The following SIPA1L1 variants were observed in gnomAD, a reference collection of about 807,000 sequenced individuals.
The protein encoded by SIPA1L1 is signal induced proliferation associated 1 like 1.
Under a neutral mutation model 162.7 loss-of-function variants are expected in SIPA1L1, and 26 were observed. The observed-to-expected ratio is 0.16, with a 90% CI of 0.12 to 0.22. SIPA1L1 has a LOEUF of 0.22. SIPA1L1 is among the 10% of genes least tolerant of loss of function. SIPA1L1 has a pLI of 1.00. For missense variants in SIPA1L1, 1,874 were observed against 2,241.0 expected (o/e 0.84, Z 3.31); for synonymous variants, 829 against 837.4 (o/e 0.99, Z 0.17).
At chr14:71,476,914 G>A (rs1047694587) in intron 2 of SIPA1L1, among the ~76,000 whole-genome samples, 2 of 151,798 alleles carry the variant, frequency 1.3e-5, no homozygotes, top group Non-Finnish European at 2.9e-5. Context: ...ATCTAAACAC[G>A]TATAGACTTG....
chr14:71,453,964 C>G (rs2045998254), intron 2 of SIPA1L1, among the ~76,000 whole-genome samples: 1 of 147,948 alleles, frequency 6.8e-6, no homozygotes, highest in Admixed American at 6.8e-5. Context: ...ACTGCACTCC[C>G]CTCCAGCCTG....
At chr14:71,624,013 C>A in intron 6 of SIPA1L1, 35 bp from the exon 7 acceptor site, 1 of 1,547,144 alleles carries the variant, frequency 6.5e-7, no homozygotes, top group Non-Finnish European at 8.8e-7. Flanking sequence ...TCTCACATCC[C>A]AGAAGCCTCA....
At chr14:71,432,312 A>G (rs535469657) in intron 2 of SIPA1L1, among the ~76,000 whole-genome samples, 68 of 152,114 alleles carry the variant, frequency 4.5e-4, no homozygotes, top group African/African-American at 1.6e-3. Flanking sequence ...GGCTCAAGCA[A>G]TCCTCCTGCC....
At chr14:71,683,199 G>T (rs919362258) in intron 12 of SIPA1L1, among the ~76,000 whole-genome samples, 2 of 152,168 alleles carry the variant, frequency 1.3e-5, no homozygotes, top group Admixed American at 1.3e-4. Flanking sequence ...TAGAAGCTTA[G>T]CTAGGGAATT....
chr14:71,437,245 G>A (rs901301850), intron 2 of SIPA1L1, among the ~76,000 whole-genome samples: 1 of 152,100 alleles, frequency 6.6e-6, no homozygotes, highest in Non-Finnish European at 1.5e-5. Context: ...TGGTAGGGGC[G>A]GCTCATGCCT....
At chr14:71,504,917 T>G (rs952470536) in intron 2 of SIPA1L1, among the ~76,000 whole-genome samples, 7 of 152,196 alleles carry the variant, frequency 4.6e-5, no homozygotes, top group African/African-American at 1.7e-4. Flanking sequence ...TAAGAAGATA[T>G]GAAAATTTTT....
intron 7 of SIPA1L1, among the ~76,000 whole-genome samples, chr14:71,632,174 A>G (rs2040640006): frequency 6.6e-6 from 1 of 152,212 alleles, no homozygotes; most frequent in African/African-American, 2.4e-5. Flanking sequence ...CATATATAAA[A>G]CAAACATAAA....
intron 2 of SIPA1L1, among the ~76,000 whole-genome samples, chr14:71,423,711 T>C (rs1027199595): frequency 1.3e-5 from 2 of 152,182 alleles, no homozygotes; most frequent in Non-Finnish European, 2.9e-5. Flanking sequence ...TTGATTACCA[T>C]AGCGTTGTAG....
chr14:71,671,619 A>T lies in SIPA1L1; in HGVS notation c.2756A>T (p.Glu919Val). 6.2e-7 allele frequency: 1 copy of T among 1,614,178 alleles called. No homozygotes were observed. The highest frequency in any genetic ancestry group is 8.5e-7 in the Non-Finnish European group (1 of 1,180,012). Reference sequence around the variant, plus strand: ...GACACCAGCCTCAAAATCTTCTATGAACGAGGAGAATGTGTTTCAGTGGGT... The same window carrying T: ...GACACCAGCCTCAAAATCTTCTATGTACGAGGAGAATGTGTTTCAGTGGGT... Reference protein sequence around the residue: ...STDTSLKIFYERGECVSVGSF... With the variant: ...STDTSLKIFYVRGECVSVGSF... The change falls in exon 11 of 24, where the codon GAA becomes GTA. Residue 919 changes from glutamate to valine, a missense_variant. By Grantham distance (121) the Glu-to-Val change is moderately radical. Around this residue, in one of 5 missense-constraint regions of SIPA1L1, gnomAD observed 243 missense variants for 315.0 expected, o/e 0.77. Transcript: ENST00000381232.
At chr14:71,714,352 A>C (rs1014461964) in intron 17 of SIPA1L1, among the ~76,000 whole-genome samples, 1 of 152,212 alleles carries the variant, frequency 6.6e-6, no homozygotes, top group African/African-American at 2.4e-5. Flanking sequence ...TCTCACCAAC[A>C]AAACATTTTT....
At chr14:71,354,272 CATTT>C (rs918781098) in intron 2 of SIPA1L1, among the ~76,000 whole-genome samples, 1 of 150,386 alleles carries the variant, frequency 6.6e-6, no homozygotes, top group African/African-American at 2.4e-5. Context: ...AGAGATACTT[CATTT>C]GTTTCTTTTT....
intron 2 of SIPA1L1, among the ~76,000 whole-genome samples, chr14:71,429,989 G>C (rs1567013331): frequency 6.6e-6 from 1 of 152,150 alleles, no homozygotes; most frequent in Non-Finnish European, 1.5e-5. Context: ...CTGTGCATTG[G>C]GGGTAAAGCT....
At chr14:71,324,965 C>T (rs2033616257) in intron 2 of SIPA1L1, among the ~76,000 whole-genome samples, 1 of 152,120 alleles carries the variant, frequency 6.6e-6, no homozygotes, top group Non-Finnish European at 1.5e-5. Context: ...GCCACCCTAC[C>T]TTCCAGTGGA....
intron 2 of SIPA1L1, among the ~76,000 whole-genome samples, chr14:71,438,065 A>G (rs555094949): frequency 2.6e-4 from 40 of 152,312 alleles, no homozygotes; most frequent in Admixed American, 2.4e-3. Flanking sequence ...GTTAAAGAAG[A>G]TGTGAAACCT....
chr14:71,650,595 T>C, intron 8 of SIPA1L1, 86 bp downstream of exon 8: 4 of 1,281,954 alleles, frequency 3.1e-6, no homozygotes, highest in Non-Finnish European at 1.1e-6. Flanking sequence ...TAAAGCAACA[T>C]TGCCATTTAT....
chr14:71,325,631 A>G (rs576723591), intron 2 of SIPA1L1, among the ~76,000 whole-genome samples: 2 of 152,354 alleles, frequency 1.3e-5, no homozygotes, highest in African/African-American at 2.4e-5. Flanking sequence ...TCTTAAAGGC[A>G]TAGAGAGATG....
chr14:71,354,132 T>C (rs999998099), intron 2 of SIPA1L1, among the ~76,000 whole-genome samples: 2 of 152,164 alleles, frequency 1.3e-5, no homozygotes, highest in Non-Finnish European at 2.9e-5. Context: ...TGTGGTATTA[T>C]GCATGTATCC....
At chr14:71,347,376 T>G (rs1161128796) in intron 2 of SIPA1L1, among the ~76,000 whole-genome samples, 1 of 152,196 alleles carries the variant, frequency 6.6e-6, no homozygotes, top group Non-Finnish European at 1.5e-5. Context: ...TCTAATAACA[T>G]TTTGTTTTTT....
intron 13 of SIPA1L1, among the ~76,000 whole-genome samples, chr14:71,697,328 C>T (rs1253138388): frequency 6.6e-6 from 1 of 152,156 alleles, no homozygotes; most frequent in Non-Finnish European, 1.5e-5. Flanking sequence ...GCCTGACACA[C>T]AGTTTGTGCT....
Sources: gnomAD v4.1 joint callset for allele counts (sites outside exome capture counted in the v4.1 genomes callset) on GRCh38, gnomAD v4.1.1 for gene constraint, gnomAD v4.1.1 regional missense constraint, MANE v1.5 for transcripts, NCBI Gene and HGNC (gene_info 2026-07-23, HGNC 2026-07-21) for gene names.